Variants in TAFA4 observed in about 807,000 individuals in gnomAD.
TAFA4 encodes TAFA chemokine like family member 4.
TAFA4 carries 20 observed loss-of-function variants against 21.1 expected under a neutral mutation model. That is an observed-to-expected ratio of 0.95 (90% CI 0.67 to 1.38). The LOEUF is 1.38. Ranked by LOEUF, TAFA4 falls within the 40% of genes most tolerant of loss-of-function variation. TAFA4 has a pLI of 0.00. For synonymous variants in TAFA4, 71 were observed against 67.4 expected, an observed-to-expected ratio of 1.05 and a Z score of -0.26; for missense variants, 211 against 180.9, an observed-to-expected ratio of 1.17 and a Z score of -0.95.
At chr3:68,907,031 C>CAAAAAA (rs34543200) in intron 1 of TAFA4, among the ~76,000 whole-genome samples, 1 of 53,930 alleles carries the variant, frequency 1.9e-5, no homozygotes. Flanking sequence ...GAGCCCGTCT[C>CAAAAAA]AAAAAAAAAA....
intron 3 of TAFA4, among the ~76,000 whole-genome samples, chr3:68,775,106 C>G: frequency 6.6e-6 from 1 of 152,142 alleles, no homozygotes; most frequent in East Asian, 1.9e-4. Flanking sequence ...ACGGTAGCTG[C>G]TATACAGGCA....
chr3:68,827,732 TG>T (rs1704285548), intron 3 of TAFA4, among the ~76,000 whole-genome samples: 1 of 152,318 alleles, frequency 6.6e-6, no homozygotes, highest in East Asian at 1.9e-4. Context: ...TTAACGGGGT[TG>T]TTTTTTTCTT....
At chr3:68,790,330 A>C (rs1703339049) in intron 3 of TAFA4, among the ~76,000 whole-genome samples, 1 of 152,194 alleles carries the variant, frequency 6.6e-6, no homozygotes, top group Non-Finnish European at 1.5e-5. Context: ...ATGAAATACT[A>C]AAAATTATTC....
At chr3:68,745,374 A>G (rs1559756799) in intron 4 of TAFA4, among the ~76,000 whole-genome samples, 3 of 152,238 alleles carry the variant, frequency 2.0e-5, no homozygotes, top group African/African-American at 7.2e-5. Context: ...ACAAAATATC[A>G]TAATACACTT....
At chr3:68,751,741 C>T (rs746865844) in intron 4 of TAFA4, among the ~76,000 whole-genome samples, 11 of 152,250 alleles carry the variant, frequency 7.2e-5, no homozygotes, top group Admixed American at 3.9e-4. Context: ...AATATTCATA[C>T]ATTTCACTGC....
At chr3:68,920,429 A>G (rs2090047660) in intron 1 of TAFA4, among the ~76,000 whole-genome samples, 1 of 152,200 alleles carries the variant, frequency 6.6e-6, no homozygotes, top group African/African-American at 2.4e-5. Flanking sequence ...ATTAGTTGGC[A>G]TTGATACAAA....
At chr3:68,855,503 A>G (rs1018015531) in intron 3 of TAFA4, among the ~76,000 whole-genome samples, 1 of 152,154 alleles carries the variant, frequency 6.6e-6, no homozygotes, top group African/African-American at 2.4e-5. Flanking sequence ...TAAATGCACT[A>G]CAGTACACAC....
intron 3 of TAFA4, 23 bp downstream of exon 3, chr3:68,880,707 C>G: frequency 6.3e-7 from 1 of 1,596,568 alleles, no homozygotes; most frequent in Non-Finnish European, 8.6e-7. Flanking sequence ...CTCAGCAGTG[C>G]ATAATGAGCT....
At chr3:68,800,089 T>C (rs1375700366) in intron 3 of TAFA4, among the ~76,000 whole-genome samples, 1 of 152,206 alleles carries the variant, frequency 6.6e-6, no homozygotes, top group African/African-American at 2.4e-5. Context: ...CTCTTACTGA[T>C]TCTGCATTAT....
At chr3:68,746,352 C>G (rs1290787588) in intron 4 of TAFA4, among the ~76,000 whole-genome samples, 1 of 152,240 alleles carries the variant, frequency 6.6e-6, no homozygotes, top group East Asian at 1.9e-4. Context: ...TACATCTATC[C>G]TATTAGTCCC....
chr3:68,914,971 C>T (rs2089991031), intron 1 of TAFA4, among the ~76,000 whole-genome samples: 1 of 152,194 alleles, frequency 6.6e-6, no homozygotes, highest in East Asian at 1.9e-4. Flanking sequence ...TACATACCAT[C>T]GCAGGCTTTT....
chr3:68,824,406 C>A (rs899705626), intron 3 of TAFA4, among the ~76,000 whole-genome samples: 2 of 152,156 alleles, frequency 1.3e-5, no homozygotes, highest in Non-Finnish European at 2.9e-5. Context: ...TGGCCCTGTT[C>A]CATCGTAAAA....
chr3:68,878,917 C>G (rs946233210), intron 3 of TAFA4, among the ~76,000 whole-genome samples: 1 of 152,076 alleles, frequency 6.6e-6, no homozygotes, highest in Admixed American at 6.6e-5. Flanking sequence ...CTGATACACA[C>G]CTACCGTAAC....
At chr3:68,776,947 A>G (rs1413031550) in intron 3 of TAFA4, among the ~76,000 whole-genome samples, 1 of 152,138 alleles carries the variant, frequency 6.6e-6, no homozygotes, top group East Asian at 1.9e-4. Context: ...TTTGGTGTGT[A>G]TGATAATTTT....
chr3:68,768,907 G>C (rs892407419), intron 3 of TAFA4, among the ~76,000 whole-genome samples: 1 of 152,148 alleles, frequency 6.6e-6, no homozygotes, highest in African/African-American at 2.4e-5. Context: ...CATAACAGTA[G>C]AACAGTGGGA....
chr3:68,930,533 G>T (rs2090150012), intron 1 of TAFA4, among the ~76,000 whole-genome samples: 1 of 152,204 alleles, frequency 6.6e-6, no homozygotes, highest in Non-Finnish European at 1.5e-5. Flanking sequence ...GCAGAACAAT[G>T]AGACAGAAGA....
At chr3:68,898,323 G>A (rs993878788) in intron 1 of TAFA4, among the ~76,000 whole-genome samples, 3 of 152,206 alleles carry the variant, frequency 2.0e-5, no homozygotes, top group Non-Finnish European at 4.4e-5. Flanking sequence ...TAAGTCAAGA[G>A]AAGAGAATCA....
intron 1 of TAFA4, among the ~76,000 whole-genome samples, chr3:68,925,353 C>G (rs890225230): frequency 1.3e-5 from 2 of 152,186 alleles, no homozygotes; most frequent in African/African-American, 4.8e-5. Flanking sequence ...AATCTGGCTC[C>G]TACTGGAAGA....
chr3:68,881,195 A>G (rs2089613503), intron 2 of TAFA4, among the ~76,000 whole-genome samples: 1 of 152,180 alleles, frequency 6.6e-6, no homozygotes, highest in South Asian at 2.1e-4. Context: ...AGATCCAAAT[A>G]AAATATATAT....
Sources: gnomAD v4.1 joint callset for allele counts (sites outside exome capture counted in the v4.1 genomes callset) on GRCh38, gnomAD v4.1.1 for gene constraint, MANE v1.5 for transcripts, NCBI Gene and HGNC (gene_info 2026-07-23, HGNC 2026-07-21) for gene names.